Variants in IMPDH2 observed in about 807,000 individuals in gnomAD.
The protein encoded by IMPDH2 is inosine monophosphate dehydrogenase 2, also known as inosine-5'-monophosphate dehydrogenase 2.
Under a neutral mutation model 57.8 loss-of-function variants are expected in IMPDH2, and 33 were observed. The ratio of observed to expected loss-of-function variants is 0.57; its 90% CI spans 0.43 to 0.76. IMPDH2 has a LOEUF of 0.76. IMPDH2 is among the 30% of genes least tolerant of loss of function. The probability of loss-of-function intolerance (pLI) is 0.00; values close to 1 mark genes in which losing one functional copy is unlikely to be tolerated. For missense variants in IMPDH2, 446 were observed against 659.1 expected (o/e 0.68, Z 3.54); for synonymous variants, 270 against 241.3 (o/e 1.12, Z -1.10).
Position 49,027,807 on chromosome 3 carries a change from GTGAT to G in IMPDH2, c.430_433del (p.Ile144GlnfsTer34). On this transcript the variant is annotated frameshift_variant, in exon 5 of 14. Coordinates refer to ENST00000326739, the MANE Select transcript of IMPDH2 (RefSeq NM_000884.3). LOFTEE classifies it high-confidence loss of function. ...GCGGCTCCCCATCCGGCCTGTGTCT[GTGAT>G]TGGGATACCGCAGAAACCATGCCGG... 6.2e-7 allele frequency: 1 copy of G among 1,614,178 alleles called. No homozygotes were observed. Among genetic ancestry groups the G allele is most frequent in the East Asian group, 2.2e-5 (1 of 44,886 alleles).
chr3:49,028,461 G>T lies in IMPDH2; in HGVS notation c.219C>A (p.Val73=). ...TTGCTATGGCCATCCCAGCCTCTGT[G>T]ACTGTGTCCATGGGAGAGGAAACCA... is the stretch of plus-strand genomic sequence containing the variant. ...TPLVSSPMDT[V]TEAGMAIAMA... is the part of the protein sequence containing the mutation. The change falls in exon 3 of 14, where the codon GTC becomes GTA. Residue 73 remains valine (V), a synonymous_variant. Coordinates refer to ENST00000326739, the MANE Select transcript of IMPDH2 (RefSeq NM_000884.3). 6.2e-7 allele frequency: 1 copy of T among 1,614,104 alleles called. No individual in the cohort carries two copies. The highest frequency in any genetic ancestry group is 1.1e-5 in the South Asian group (1 of 91,052).
At position 49,026,514 on chromosome 3, in the gene IMPDH2, C is replaced by T; in HGVS notation, c.910+5G>A. The T allele has an allele frequency of 6.2e-7, 1 of 1,611,368 alleles. No homozygotes were observed. The highest frequency in any genetic ancestry group is 8.5e-7 in the Non-Finnish European group (1 of 1,177,404). On this transcript the variant is annotated splice_donor_5th_base_variant and intron_variant, in intron 8 of 13. Coordinates refer to ENST00000326739, the MANE Select transcript of IMPDH2 (RefSeq NM_000884.3). ...CACATCCTTCAGGGCACAATCTTGC[C>T]TTACCATTGCCTCCAATGACTTGGA... is the stretch of plus-strand genomic sequence containing the variant.
At chr3:49,028,595 T>TC in intron 2 of IMPDH2, 63 bp from the exon 3 acceptor site, 1 of 1,443,126 alleles carries the variant, frequency 6.9e-7, no homozygotes, top group Non-Finnish European at 9.8e-7. Context: ...TGTTACTGAG[T>TC]CCCCCACAAA....
intron 5 of IMPDH2, 37 bp from the exon 6 acceptor site, chr3:49,027,084 T>C (rs200170304): frequency 3.4e-6 from 5 of 1,459,422 alleles, no homozygotes; most frequent in Non-Finnish European, 4.8e-6. Flanking sequence ...GGGCCAGTCA[T>C]CGACTATGAC....
Position 49,028,753 on chromosome 3 carries a change from C to T in IMPDH2, c.147+5G>A. The T allele has an allele frequency of 6.2e-7, 1 of 1,612,124 alleles. No individual in the cohort carries two copies. ...GTTCAGGACCCAATTCCTGATCATACTCACCACCTGGTCTGCAGTGAAGTC... is the reference window on the plus strand; with the variant it reads ...GTTCAGGACCCAATTCCTGATCATATTCACCACCTGGTCTGCAGTGAAGTC... On this transcript the variant is annotated splice_donor_5th_base_variant and intron_variant, in intron 2 of 13. Coordinates refer to ENST00000326739, the MANE Select transcript of IMPDH2 (RefSeq NM_000884.3).
intron 4 of IMPDH2, 32 bp downstream of exon 4, chr3:49,028,216 G>A (rs941848849): frequency 1.3e-6 from 2 of 1,578,074 alleles, no homozygotes; most frequent in Non-Finnish European, 8.7e-7. Context: ...CAATTCCCAG[G>A]AGCGCTTGCT....
chr3:49,026,104 C>CAG lies in IMPDH2; in HGVS notation c.1006+218_1006+219dup, dbSNP rs1575309494. 7.5e-6 allele frequency: 5 copies of CAG among 664,098 alleles called. No homozygotes were observed. In the East Asian group the frequency reaches 1.5e-4, roughly 19 times the overall value. 41.1% of individuals were successfully genotyped at this position (664,098 alleles called of 1,614,324 possible). On this transcript the variant is annotated intron_variant, in intron 9 of 13. Coordinates refer to ENST00000326739, the MANE Select transcript of IMPDH2 (RefSeq NM_000884.3). ...AACAGACCAGAGTTTAGAGAAGGTGCAGAGCAGGAGCAAGAAGGCCAGGCT... is the reference window on the plus strand; with the variant it reads ...AACAGACCAGAGTTTAGAGAAGGTGCAGAGAGCAGGAGCAAGAAGGCCAGGCT...
Position 49,027,027 on chromosome 3 carries a change from GTCTTCCCTCTTTGTCATTA to G in IMPDH2, c.533_551del (p.Ile178ThrfsTer4), listed in dbSNP as rs1254751586. ...TGATGCCTGCAGGGGCTACCACCAA[GTCTTCCCTCTTTGTCATTA>G]TCTACGTGGGAGGTGAGATGTGAAG... is the stretch of plus-strand genomic sequence containing the variant. On this transcript the variant is annotated frameshift_variant and splice_region_variant, in exon 6 of 14. Coordinates refer to ENST00000326739, the MANE Select transcript of IMPDH2 (RefSeq NM_000884.3). LOFTEE classifies it high-confidence loss of function. 1 of 1,613,842 alleles carries G rather than the reference GTCTTCCCTCTTTGTCATTA, an allele frequency of 6.2e-7. No homozygotes were observed. The highest frequency in any genetic ancestry group is 8.5e-7 in the Non-Finnish European group (1 of 1,179,722).
At chr3:49,028,581 A>C in intron 2 of IMPDH2, 49 bp from the exon 3 acceptor site, 22 of 1,465,886 alleles carry the variant, frequency 1.5e-5, no homozygotes, top group Non-Finnish European at 1.9e-5. Context: ...CTTACACCTC[A>C]AGGTGTTACT....
rs1034843299 is a variant in IMPDH2, at chr3:49,026,862, T to A, written c.644A>T (p.Asp215Val). 6.2e-7 allele frequency: 1 copy of A among 1,614,114 alleles called. No homozygotes were observed. Among genetic ancestry groups the A allele is most frequent in the African/African-American group, 1.3e-5 (1 of 74,940 alleles). ...GGCAATGATGGCCACAAGCTCATCA[T>A]CTTCATTTACAATGGGCAACTTTCC... ...KKGKLPIVNEDDELVAIIART... is the reference protein window; with the variant it reads ...KKGKLPIVNEVDELVAIIART... The change falls in exon 7 of 14, where the codon GAT becomes GTT. Residue 215 changes from aspartate (D) to valine (V), a missense_variant. Asp to Val is a radical substitution (Grantham distance 152, BLOSUM62 -3). Transcript: ENST00000326739.
chr3:49,028,377 T>G, intron 3 of IMPDH2, 54 bp downstream of exon 3: 1 of 1,607,882 alleles, frequency 6.2e-7, no homozygotes, highest in African/African-American at 1.3e-5. Flanking sequence ...CTGAATGCCT[T>G]TGGGGAAAGG....
At position 49,027,769 on chromosome 3, in the gene IMPDH2, T is replaced by C; in HGVS notation, c.472A>G (p.Ile158Val). 6.2e-7 allele frequency: 1 copy of C among 1,614,218 alleles called. No homozygotes were observed. The highest frequency in any genetic ancestry group is 8.5e-7 in the Non-Finnish European group (1 of 1,180,032). The change falls in exon 5 of 14, where the codon ATC becomes GTC. Residue 158 changes from isoleucine to valine, a missense_variant. Coordinates refer to ENST00000326739, the MANE Select transcript of IMPDH2 (RefSeq NM_000884.3). The part of the protein sequence containing the change: ...GRMGSRLVGI[I>V]SSRDIDFLKE... ...AGAAAATCAATGTCCCTGGAGGAGA[T>C]GATGCCCACCAAGCGGCTCCCCATC...
rs1346151812 is a variant in IMPDH2, at chr3:49,026,315, T to C, written c.1006+9A>G. On this transcript the variant is annotated intron_variant, in intron 9 of 13. Transcript: ENST00000326739. Reference sequence around the variant, plus strand: ...GGTCTCTGTGGGCCCTATCAAAGTATATTCTTACCTTCCTGCGTAATGCAG... The same window carrying C: ...GGTCTCTGTGGGCCCTATCAAAGTACATTCTTACCTTCCTGCGTAATGCAG... 1 of 1,589,022 alleles carries C rather than the reference T, an allele frequency of 6.3e-7. No homozygotes were observed. The highest frequency in any genetic ancestry group is 1.1e-5 in the South Asian group (1 of 89,090).
intron 7 of IMPDH2, 30 bp downstream of exon 7, chr3:49,026,657 T>C: frequency 2.5e-6 from 4 of 1,612,962 alleles, no homozygotes; most frequent in Non-Finnish European, 3.4e-6. Flanking sequence ...GCTGCCCCTA[T>C]TGCCCCAACC....
chr3:49,026,889 G>A lies in IMPDH2; in HGVS notation c.620-3C>T, dbSNP rs1014335625. The A allele has an allele frequency of 6.2e-7, 1 of 1,614,078 alleles. No homozygotes were observed. Among genetic ancestry groups the A allele is most frequent in the Non-Finnish European group, 8.5e-7 (1 of 1,180,014 alleles). The stretch of plus-strand genomic sequence containing the variant: ...TTCATTTACAATGGGCAACTTTCCT[G>A]TGGTCAGGGCAGGACATGAATCAGG... On this transcript the variant is annotated splice_polypyrimidine_tract_variant and splice_region_variant and intron_variant, in intron 6 of 13. Transcript: ENST00000326739.
chr3:49,028,839 C>T, intron 1 of IMPDH2, 33 bp from the exon 2 acceptor site: 1 of 1,587,592 alleles, frequency 6.3e-7, no homozygotes, highest in Non-Finnish European at 8.6e-7. Flanking sequence ...GGGAGTAAAG[C>T]TCTCAGCTTA....
chr3:49,026,317 T>C lies in IMPDH2; in HGVS notation c.1006+7A>G, dbSNP rs895498638. 5.0e-6 allele frequency: 8 copies of C among 1,593,734 alleles called. No individual in the cohort carries two copies. In the East Asian group the frequency reaches 9.0e-5, roughly 18 times the overall value. On this transcript the variant is annotated splice_region_variant and intron_variant, in intron 9 of 13. Coordinates refer to ENST00000326739, the MANE Select transcript of IMPDH2 (RefSeq NM_000884.3). The stretch of plus-strand genomic sequence containing the variant: ...TCTCTGTGGGCCCTATCAAAGTATA[T>C]TCTTACCTTCCTGCGTAATGCAGAT...
intron 8 of IMPDH2, 36 bp downstream of exon 8, chr3:49,026,481 TCC>T: frequency 6.2e-7 from 1 of 1,600,408 alleles, no homozygotes; most frequent in Non-Finnish European, 8.6e-7. Flanking sequence ...GCTTACCCAC[TCC>T]CACCACACAT....
chr3:49,029,118 C>T lies in IMPDH2; in HGVS notation c.98+135G>A, dbSNP rs1356594030. ...CCGCTCCAGATGTCTCAAAGTGAGC[C>T]CCGGAGGTGGGTGGCCAATTCCCGA... On this transcript the variant is annotated intron_variant, in intron 1 of 13. Transcript: ENST00000326739. 1.6e-5 allele frequency: 12 copies of T among 733,998 alleles called. No individual in the cohort carries two copies. The South Asian group carries it at 1.6e-4, about 10-fold the overall frequency. The allele number at this position is 733,998 out of a possible 1,614,324, so 45.5% of individuals were successfully genotyped here. A position where few individuals can be genotyped will look rare whatever the true frequency, so the allele number is the denominator to read the frequency against.
Sources: gnomAD v4.1 joint callset for allele counts on GRCh38, gnomAD v4.1.1 for gene constraint, MANE v1.5 for transcripts, NCBI Gene and HGNC (gene_info 2026-07-23, HGNC 2026-07-21) for gene names.